The following NBAS variants were observed in gnomAD, a reference collection of about 807,000 sequenced individuals.
NBAS encodes the protein NAG/BC035112 fusion.
NBAS carries 219 observed loss-of-function variants against 302.5 expected under a neutral mutation model. The ratio of observed to expected loss-of-function variants is 0.72; its 90% CI spans 0.65 to 0.81. The LOEUF (loss-of-function observed/expected upper bound fraction) is 0.81. NBAS is among the 30% of genes least tolerant of loss of function. The pLI, the probability that NBAS is intolerant of heterozygous loss-of-function variation, is 0.00. For synonymous variants in NBAS, 1,118 were observed against 1,021.6 expected (o/e 1.09, Z -1.80); for missense variants, 2,932 against 2,841.6 (o/e 1.03, Z -0.72).
the NBAS span, among the ~76,000 whole-genome samples, chr2:14,785,987 C>G: frequency 6.6e-6 from 1 of 152,256 alleles, no homozygotes; most frequent in Non-Finnish European, 1.5e-5. Context: ...TGATTATTGC[C>G]TCAATTTCAG....
At chr2:14,825,549 C>T in the NBAS span, among the ~76,000 whole-genome samples, 4 of 152,110 alleles carry the variant, frequency 2.6e-5, no homozygotes, top group Admixed American at 6.5e-5. Flanking sequence ...AAATGAGCCT[C>T]GTCTCTCAGA....
chr2:14,782,420 A>T, the NBAS span, among the ~76,000 whole-genome samples: 1 of 152,182 alleles, frequency 6.6e-6, no homozygotes, highest in Admixed American at 6.6e-5. Flanking sequence ...ACCATCTCAC[A>T]CCAGTCAGAG....
At chr2:15,357,621 T>C (rs1449083103) in intron 32 of NBAS, among the ~76,000 whole-genome samples, 1 of 152,120 alleles carries the variant, frequency 6.6e-6, no homozygotes, top group Non-Finnish European at 1.5e-5. Flanking sequence ...TGCCTCAGCC[T>C]CTCATTTAAA....
chr2:15,297,833 C>A (rs915069723), intron 40 of NBAS, among the ~76,000 whole-genome samples: 13 of 152,034 alleles, frequency 8.6e-5, no homozygotes, highest in Non-Finnish European at 1.9e-4. Flanking sequence ...ATATATTCCT[C>A]CTCTCATGCC....
chr2:15,261,867 A>T (rs1446158833), intron 44 of NBAS, among the ~76,000 whole-genome samples: 1 of 152,230 alleles, frequency 6.6e-6, no homozygotes, highest in Non-Finnish European at 1.5e-5. Flanking sequence ...TTGTAGTGGT[A>T]TATACCACAA....
chr2:15,119,016 A>G, the NBAS span, among the ~76,000 whole-genome samples: 4,938 of 152,240 alleles, frequency 0.032, 269 homozygotes, highest in African/African-American at 0.11. Context: ...CAAACAGACA[A>G]GGGATGAGGT....
chr2:15,383,843 G>A (rs1308182541), intron 28 of NBAS, among the ~76,000 whole-genome samples: 1 of 152,132 alleles, frequency 6.6e-6, no homozygotes, highest in Non-Finnish European at 1.5e-5. Flanking sequence ...GGCAGCATCA[G>A]TTGCTTCTTA....
chr2:15,327,932 T>A, intron 37 of NBAS, 62 bp from the exon 38 acceptor site: 1 of 1,592,686 alleles, frequency 6.3e-7, no homozygotes, highest in Non-Finnish European at 8.6e-7. Flanking sequence ...AACATATGCT[T>A]AGAAAACAAT....
At chr2:14,883,466 C>T in the NBAS span, among the ~76,000 whole-genome samples, 6 of 152,040 alleles carry the variant, frequency 3.9e-5, no homozygotes, top group Admixed American at 2.0e-4. Context: ...ATACTTAGGT[C>T]GAAGGAGCTC....
the NBAS span, among the ~76,000 whole-genome samples, chr2:14,889,978 T>C: frequency 1.3e-5 from 2 of 152,252 alleles, no homozygotes; most frequent in African/African-American, 2.4e-5. Flanking sequence ...TGTGTGGGAT[T>C]TTATATTCAA....
intron 41 of NBAS, among the ~76,000 whole-genome samples, chr2:15,288,674 G>T (rs774010052): frequency 3.3e-5 from 5 of 152,214 alleles, no homozygotes; most frequent in Admixed American, 6.5e-5. Context: ...ACTACTGCAG[G>T]ACTCCTATTT....
At chr2:15,142,945 G>A in the NBAS span, among the ~76,000 whole-genome samples, 3 of 152,240 alleles carry the variant, frequency 2.0e-5, no homozygotes, top group Non-Finnish European at 4.4e-5. Context: ...GGTGCCCAAA[G>A]AGTCATCCTG....
At position 15,528,741 on chromosome 2, in the gene NBAS, C is replaced by T. The variant is rs560490216; in HGVS notation, c.746+5802G>A. 8.0e-5 allele frequency among the ~76,000 whole-genome samples: 12 copies of T among 149,898 alleles called. No homozygotes were observed. The South Asian group carries it at 1.0e-3, about 13-fold the overall frequency. On this transcript the variant is annotated intron_variant, in intron 9 of 51. Transcript: ENST00000281513. Reference sequence around the variant, plus strand: ...AATTAGCCGGACCTGATGGCAAGAGCCTGTAATCCCAGCTACTCAGGAGGC... The same window carrying T: ...AATTAGCCGGACCTGATGGCAAGAGTCTGTAATCCCAGCTACTCAGGAGGC...
chr2:14,829,727 G>A, the NBAS span, among the ~76,000 whole-genome samples: 5 of 152,146 alleles, frequency 3.3e-5, no homozygotes, highest in Non-Finnish European at 7.4e-5. Flanking sequence ...TCCTGAGCTG[G>A]CACAACTCCC....
intron 6 of NBAS, among the ~76,000 whole-genome samples, chr2:15,541,754 TG>T (rs1276328034): frequency 6.9e-6 from 1 of 145,368 alleles, no homozygotes; most frequent in African/African-American, 2.5e-5. Flanking sequence ...GGGAGGGAGG[TG>T]GGGGGGTCAG....
rs1558420150 is a variant in NBAS, at chr2:15,186,846, C to T, written c.6607G>A (p.Val2203Met). ...TNNPWVRLATVMLTRCTMENK... is the reference protein window; with the variant it reads ...TNNPWVRLATMMLTRCTMENK... Reference sequence around the variant, plus strand: ...TCCATCGTACATCTGGTTAGCATCACTGTAGCTAGTCTCACCCATGGATTA... The same window carrying T: ...TCCATCGTACATCTGGTTAGCATCATTGTAGCTAGTCTCACCCATGGATTA... Residue 2203 changes from valine to methionine, a missense_variant, in exon 50 of 52, where the codon GTG becomes ATG. Physicochemically the swap from Val to Met is conservative, Grantham distance 21. Coordinates refer to ENST00000281513, the MANE Select transcript of NBAS (RefSeq NM_015909.4). The T allele has an allele frequency of 3.7e-6, 6 of 1,613,990 alleles. No homozygotes were observed. In the East Asian group the frequency reaches 1.1e-4, roughly 30 times the overall value.
At chr2:15,133,618 G>A in the NBAS span, among the ~76,000 whole-genome samples, 1 of 152,180 alleles carries the variant, frequency 6.6e-6, no homozygotes, top group Non-Finnish European at 1.5e-5. Flanking sequence ...GGGCAGTTGT[G>A]TTTGACTTCT....
At chr2:14,889,021 A>G in the NBAS span, among the ~76,000 whole-genome samples, 1 of 152,126 alleles carries the variant, frequency 6.6e-6, no homozygotes, top group Non-Finnish European at 1.5e-5. Flanking sequence ...TTTGACCTTT[A>G]TTACTACTTG....
intron 49 of NBAS, among the ~76,000 whole-genome samples, chr2:15,187,242 T>C (rs1415654737): frequency 6.6e-6 from 1 of 152,154 alleles, no homozygotes; most frequent in Non-Finnish European, 1.5e-5. Context: ...TCAGTTTTTT[T>C]CACTGTGAAA....
Sources: allele counts gnomAD v4.1 joint callset (sites outside exome capture counted in the v4.1 genomes callset), GRCh38; gene constraint gnomAD v4.1.1; transcripts MANE v1.5; gene names NCBI Gene and HGNC (gene_info 2026-07-23, HGNC 2026-07-21).